The following IFI27L1 variants were observed in gnomAD, a reference collection of about 807,000 sequenced individuals.
IFI27L1 encodes the protein interferon alpha-inducible protein 27-like protein 1.
A neutral mutation model predicts 9.2 loss-of-function variants in IFI27L1; 3 were observed. The observed-to-expected ratio is 0.32, with a 90% confidence interval of 0.15 to 0.84. The LOEUF is 0.84. Among genes scored for constraint, IFI27L1 ranks in the 40% least tolerant of loss-of-function variants. The pLI, the probability that IFI27L1 is intolerant of heterozygous loss-of-function variation, is 0.56. For synonymous variants in IFI27L1, 53 were observed against 50.0 expected (o/e 1.06, Z -0.26); for missense variants, 133 against 134.2 (o/e 0.99, Z 0.05).
intron 1 of IFI27L1, among the ~76,000 whole-genome samples, chr14:94,083,247 G>A (rs944538275): frequency 5.3e-5 from 8 of 152,216 alleles, no homozygotes; most frequent in African/African-American, 1.9e-4. Context: ...TGGCAATCTC[G>A]TGAGAAACTT....
chr14:94,100,678 A>G (rs1886859270), intron 2 of IFI27L1, 61 bp from the exon 3 acceptor site: 5 of 1,605,132 alleles, frequency 3.1e-6, no homozygotes, highest in Non-Finnish European at 3.4e-6. Context: ...ATCAGAGAGT[A>G]CCCACTCCCA....
At chr14:94,086,677 A>G (rs893419435) in intron 1 of IFI27L1, among the ~76,000 whole-genome samples, 15 of 152,198 alleles carry the variant, frequency 9.9e-5, no homozygotes, top group African/African-American at 3.6e-4. Flanking sequence ...TTACAAGACA[A>G]CAGCCCTAAT....
intron 1 of IFI27L1, among the ~76,000 whole-genome samples, chr14:94,085,491 A>T (rs888265071): frequency 2.5e-4 from 38 of 152,228 alleles, no homozygotes; most frequent in African/African-American, 9.2e-4. Flanking sequence ...AAGCATACAC[A>T]TACCTTTCAT....
At chr14:94,082,764 G>A (rs774648912) in intron 1 of IFI27L1, among the ~76,000 whole-genome samples, 27 of 152,286 alleles carry the variant, frequency 1.8e-4, no homozygotes, top group Non-Finnish European at 3.4e-4. Context: ...CTACTGCTCA[G>A]AAAAAAGGAT....
intron 3 of IFI27L1, 180 bp downstream of exon 3, chr14:94,100,951 GC>G: frequency 1.4e-6 from 1 of 701,552 alleles, no homozygotes; most frequent in Non-Finnish European, 2.5e-6. Context: ...GCCATTAAAG[GC>G]ACAGGGCTTT....
intron 1 of IFI27L1, among the ~76,000 whole-genome samples, chr14:94,092,019 G>C (rs1017123832): frequency 2.0e-5 from 3 of 151,716 alleles, no homozygotes; most frequent in African/African-American, 7.3e-5. Context: ...CCAGCTACTT[G>C]GGAGGCTGAG....
chr14:94,098,022 C>T (rs1268556657), intron 2 of IFI27L1, among the ~76,000 whole-genome samples: 3 of 152,164 alleles, frequency 2.0e-5, no homozygotes, highest in Admixed American at 6.5e-5. Context: ...GACACACCCA[C>T]ACTGCACTGA....
At chr14:94,099,622 C>T (rs2139274873) in intron 2 of IFI27L1, among the ~76,000 whole-genome samples, 1 of 152,236 alleles carries the variant, frequency 6.6e-6, no homozygotes, top group Middle Eastern at 3.4e-3. Context: ...GACTTCCAGC[C>T]TCCAGAACTG....
In IFI27L1 at chr14:94,084,330, C is replaced by T. The variant is rs746689904; in HGVS notation, c.-52+2881C>T. 3.9e-5 allele frequency among the ~76,000 whole-genome samples: 6 copies of T among 152,018 alleles called. No individual in the cohort carries two copies. In the East Asian group the frequency reaches 5.8e-4, roughly 15 times the overall value. ...CAGCCCAGGCGACATGGTGAAACCCCGTCTCTACAAAAAATGCAAAAATTA... is the reference window on the plus strand; with the variant it reads ...CAGCCCAGGCGACATGGTGAAACCCTGTCTCTACAAAAAATGCAAAAATTA... On this transcript the variant is annotated intron_variant, in intron 1 of 4. Transcript: ENST00000555523.
chr14:94,085,379 A>G (rs1886248642), intron 1 of IFI27L1, among the ~76,000 whole-genome samples: 1 of 152,208 alleles, frequency 6.6e-6, no homozygotes, highest in Non-Finnish European at 1.5e-5. Flanking sequence ...TATGGTTGAG[A>G]AGACTAAACG....
chr14:94,087,892 G>A (rs1029382445), intron 1 of IFI27L1, among the ~76,000 whole-genome samples: 5 of 152,176 alleles, frequency 3.3e-5, no homozygotes, highest in Non-Finnish European at 7.3e-5. Context: ...AACCAAATAA[G>A]CTTTCACTAC....
At chr14:94,087,365 T>G (rs1886315872) in intron 1 of IFI27L1, among the ~76,000 whole-genome samples, 1 of 152,222 alleles carries the variant, frequency 6.6e-6, no homozygotes, top group African/African-American at 2.4e-5. Flanking sequence ...AAACCCTCTC[T>G]TCATGGATTT....
At chr14:94,098,141 G>A (rs990013408) in intron 2 of IFI27L1, among the ~76,000 whole-genome samples, 3 of 152,142 alleles carry the variant, frequency 2.0e-5, no homozygotes, top group African/African-American at 7.2e-5. Context: ...TAGGGCTGCT[G>A]TCACAAAGGT....
intron 2 of IFI27L1, among the ~76,000 whole-genome samples, chr14:94,099,509 C>T (rs1023601892): frequency 6.6e-6 from 1 of 152,070 alleles, no homozygotes; most frequent in African/African-American, 2.4e-5. Flanking sequence ...AGGCCCGGAG[C>T]ACCAAGGATT....
intron 1 of IFI27L1, chr14:94,088,100 G>A: frequency 3.3e-6 from 2 of 613,192 alleles, no homozygotes; most frequent in Non-Finnish European, 5.8e-6. Context: ...CTATTCCCCT[G>A]GCTTCCCCAT....
rs1886098042 is a variant in IFI27L1, at chr14:94,081,361, T to C, written c.-140T>C. 6.6e-6 allele frequency: 1 copy of C among 152,248 alleles called. No homozygotes were observed. Among genetic ancestry groups the C allele is most frequent in the African/African-American group, 2.4e-5 (1 of 41,462 alleles). The allele number at this position is 152,248 out of a possible 1,614,324, so 9.4% of individuals were successfully genotyped here. On this transcript the variant is annotated 5_prime_UTR_variant, in exon 1 of 5. Transcript: ENST00000555523. ...GCGCTGGCACCTCCTCTTACAGCTT[T>C]ACTCCTGCCAGCTTGGGAAAAGGCC... is the stretch of plus-strand genomic sequence containing the variant.
At chr14:94,082,820 G>A (rs554178416) in intron 1 of IFI27L1, among the ~76,000 whole-genome samples, 76 of 152,310 alleles carry the variant, frequency 5.0e-4, no homozygotes, top group African/African-American at 1.8e-3. Flanking sequence ...ATAGTCACAC[G>A]AGAGCTCTAA....
chr14:94,087,801 G>A (rs537607972), intron 1 of IFI27L1, among the ~76,000 whole-genome samples: 4 of 152,066 alleles, frequency 2.6e-5, no homozygotes, highest in Admixed American at 1.3e-4. Context: ...TCAAAAACAC[G>A]GTGATCATCA....
intron 3 of IFI27L1, 143 bp downstream of exon 3, chr14:94,100,914 C>A: frequency 1.1e-6 from 1 of 889,136 alleles, no homozygotes; most frequent in Non-Finnish European, 1.8e-6. Context: ...GTGATGGGGA[C>A]CTTAGAGCAG....
Sources: gnomAD v4.1 joint callset for allele counts (sites outside exome capture counted in the v4.1 genomes callset) on GRCh38, gnomAD v4.1.1 for gene constraint, MANE v1.5 for transcripts, NCBI Gene and HGNC (gene_info 2026-07-23, HGNC 2026-07-21) for gene names.